Variants in ZNF536 observed in about 807,000 individuals in gnomAD.
ZNF536 encodes zinc finger protein 536.
In ZNF536, 13 loss-of-function variants were observed where a neutral mutation model predicts 84.5. The ratio of observed to expected loss-of-function variants is 0.15; its 90% confidence interval spans 0.10 to 0.24. The LOEUF is 0.24. ZNF536 is among the 10% of genes least tolerant of loss of function. The pLI is 1.00. For missense variants in ZNF536, 1,536 were observed against 1,747.5 expected, an observed-to-expected ratio of 0.88 and a Z score of 2.16; for synonymous variants, 811 against 742.5, an observed-to-expected ratio of 1.09 and a Z score of -1.50.
intron 2 of ZNF536, among the ~76,000 whole-genome samples, chr19:30,518,198 T>C (rs1678569201): frequency 6.6e-6 from 1 of 152,174 alleles, no homozygotes; most frequent in Admixed American, 6.5e-5. Flanking sequence ...TCACCTCCTG[T>C]TGCAGGCGAA....
chr19:30,481,280 G>A (rs1001113433), intron 2 of ZNF536, among the ~76,000 whole-genome samples: 18 of 152,218 alleles, frequency 1.2e-4, no homozygotes, highest in Middle Eastern at 3.4e-3. Flanking sequence ...ACATACATGC[G>A]CATGAGTATG....
intron 2 of ZNF536, among the ~76,000 whole-genome samples, chr19:30,321,756 TC>T (rs200352689): frequency 2.9e-4 from 43 of 150,190 alleles, no homozygotes; most frequent in Admixed American, 4.6e-4. Context: ...ATTTTTGTTT[TC>T]TTTTTTCTTT....
chr19:30,686,807 TG>T (rs1200692109), intron 1 of ZNF536, among the ~76,000 whole-genome samples: 6 of 151,674 alleles, frequency 4.0e-5, no homozygotes. Context: ...ATCCAGTAAA[TG>T]CATCTTTGTG....
intron 1 of ZNF536, among the ~76,000 whole-genome samples, chr19:30,593,216 G>T (rs2047335371): frequency 6.6e-6 from 1 of 152,082 alleles, no homozygotes; most frequent in South Asian, 2.1e-4. Context: ...TTTTCTGCTT[G>T]TCAGTATCAG....
chr19:30,256,077 TTCTC>T (rs1321985621), intron 1 of ZNF536, among the ~76,000 whole-genome samples: 1 of 152,216 alleles, frequency 6.6e-6, no homozygotes, highest in Non-Finnish European at 1.5e-5. Context: ...TAGCCCAAGT[TTCTC>T]TCTCCTTTTT....
At chr19:30,564,244 A>C (rs1336033233) in intron 1 of ZNF536, among the ~76,000 whole-genome samples, 1 of 152,146 alleles carries the variant, frequency 6.6e-6, no homozygotes, top group African/African-American at 2.4e-5. Context: ...CTGAGGCAGG[A>C]GGATCACTTG....
intron 1 of ZNF536, among the ~76,000 whole-genome samples, chr19:30,610,308 C>A (rs1407616942): frequency 6.6e-6 from 1 of 152,108 alleles, no homozygotes; most frequent in Non-Finnish European, 1.5e-5. Flanking sequence ...TGACGGCAAC[C>A]ATATTTCCAT....
chr19:30,696,083 A>G (rs2051645459), intron 1 of ZNF536, among the ~76,000 whole-genome samples: 1 of 152,180 alleles, frequency 6.6e-6, no homozygotes, highest in South Asian at 2.1e-4. Flanking sequence ...ACACAACTCT[A>G]GCTTTGTTTT....
chr19:30,679,488 G>T (rs757616220), intron 1 of ZNF536, among the ~76,000 whole-genome samples: 1 of 152,206 alleles, frequency 6.6e-6, no homozygotes, highest in Non-Finnish European at 1.5e-5. Flanking sequence ...CGGGCTGCCT[G>T]CCAGGGCCTG....
At chr19:30,242,041 C>T (rs574836390) in intron 1 of ZNF536, among the ~76,000 whole-genome samples, 3 of 152,086 alleles carry the variant, frequency 2.0e-5, no homozygotes, top group Non-Finnish European at 4.4e-5. Flanking sequence ...TGGGGCTGCC[C>T]TCTCTGCTGT....
chr19:30,304,054 G>T (rs1269480977), intron 2 of ZNF536, among the ~76,000 whole-genome samples: 2 of 152,188 alleles, frequency 1.3e-5, no homozygotes, highest in African/African-American at 4.8e-5. Flanking sequence ...CAGCGTGGGG[G>T]AGTCCCGCTC....
chr19:30,492,403 C>T (rs2054544899), intron 2 of ZNF536, among the ~76,000 whole-genome samples: 1 of 152,162 alleles, frequency 6.6e-6, no homozygotes, highest in Non-Finnish European at 1.5e-5. Flanking sequence ...CTCCTTCCCC[C>T]TTCCCATCAT....
At chr19:30,538,115 G>C (rs1276959143) in intron 3 of ZNF536, among the ~76,000 whole-genome samples, 2 of 152,180 alleles carry the variant, frequency 1.3e-5, no homozygotes, top group Non-Finnish European at 2.9e-5. Context: ...TTTCATGTGG[G>C]ACTCAAGTTG....
At chr19:30,326,314 C>T (rs1369378291) in intron 2 of ZNF536, among the ~76,000 whole-genome samples, 1 of 152,044 alleles carries the variant, frequency 6.6e-6, no homozygotes, top group Non-Finnish European at 1.5e-5. Flanking sequence ...CCCCACGGGG[C>T]GAAGAGGGGA....
At chr19:30,657,470 C>T (rs1056097007) in intron 1 of ZNF536, among the ~76,000 whole-genome samples, 3 of 152,198 alleles carry the variant, frequency 2.0e-5, no homozygotes, top group African/African-American at 7.2e-5. Flanking sequence ...AGACCAGACT[C>T]TCTCGGTATT....
At position 30,261,297 on chromosome 19, in the gene ZNF536, CAAAAAAAAAAAAA is replaced by C. The variant is rs66862950; in HGVS notation, c.-189-22762_-189-22750del. ...TGGGCGACAGAGCGAGACTCCGTCT[CAAAAAAAAAAAAA>C]AAAAAAAAAAAAGAAAAATATAACT... is the stretch of plus-strand genomic sequence containing the variant. On this transcript the variant is annotated intron_variant, in intron 1 of 5. Transcript: ENST00000585628. 1.7e-4 allele frequency among the ~76,000 whole-genome samples: 4 copies of C among 23,586 alleles called. No homozygotes were observed. The East Asian group carries it at 5.2e-3, about 30-fold the overall frequency. The allele number at this position is 23,586 out of a possible 152,430, so 15.5% of individuals were successfully genotyped here.
In ZNF536 at chr19:30,236,707, T is replaced by C. The variant is rs2023545764; in HGVS notation, c.-190+8034T>C. Among the ~76,000 whole-genome samples the C allele has an allele frequency of 2.6e-5, 4 of 152,174 alleles. No individual in the cohort carries two copies. The South Asian group carries it at 8.3e-4, about 32-fold the overall frequency. Reference sequence around the variant, plus strand: ...CCACCCCAAGAAGACACAGTGGCTTTCTTAGTAGGTGACAAACGATTAGCT... The same window carrying C: ...CCACCCCAAGAAGACACAGTGGCTTCCTTAGTAGGTGACAAACGATTAGCT... On this transcript the variant is annotated intron_variant, in intron 1 of 5. Coordinates refer to the ZNF536 transcript ENST00000585628.
chr19:30,528,247 G>A (rs903109332), intron 2 of ZNF536, among the ~76,000 whole-genome samples: 2 of 152,084 alleles, frequency 1.3e-5, no homozygotes. Flanking sequence ...TTTAATGGAA[G>A]TCTTTCCAAA....
chr19:30,365,608 G>C (rs2048403424), intron 3 of ZNF536, among the ~76,000 whole-genome samples: 1 of 152,156 alleles, frequency 6.6e-6, no homozygotes, highest in Non-Finnish European at 1.5e-5. Flanking sequence ...TGACCACCAG[G>C]TCCCGTGTAG....
Sources: allele counts gnomAD v4.1 joint callset (sites outside exome capture counted in the v4.1 genomes callset), GRCh38; gene constraint gnomAD v4.1.1; transcripts MANE v1.5; gene names NCBI Gene and HGNC (gene_info 2026-07-23, HGNC 2026-07-21).